The following WDR11 variants were observed in gnomAD, a reference collection of about 807,000 sequenced individuals.
WDR11 encodes the protein WD repeat-containing protein 11.
A neutral mutation model predicts 151.2 loss-of-function variants in WDR11; 83 were observed. The ratio of observed to expected loss-of-function variants is 0.55; its 90% CI spans 0.46 to 0.66. The LOEUF is 0.66. Among genes scored for constraint, WDR11 ranks in the 30% least tolerant of loss-of-function variants. The pLI is 0.00. For synonymous variants in WDR11, 484 were observed against 533.1 expected (o/e 0.91, Z 1.27); for missense variants, 1,301 against 1,480.9 (o/e 0.88, Z 1.99).
Position 120,908,737 on chromosome 10 carries a change from C to G in WDR11, c.*24C>G. On this transcript the variant is annotated 3_prime_UTR_variant, in exon 29 of 29. Coordinates refer to ENST00000263461, the MANE Select transcript of WDR11 (RefSeq NM_018117.12). Reference sequence around the variant, plus strand: ...GACAGCTTAATAAATGCCAGGGAATCTGACCTGGAAGGCAGATGGGAGGGG... The same window carrying G: ...GACAGCTTAATAAATGCCAGGGAATGTGACCTGGAAGGCAGATGGGAGGGG... 1 of 1,613,222 alleles carries G rather than the reference C, an allele frequency of 6.2e-7. No individual in the cohort carries two copies.
In WDR11 at chr10:120,908,778, G is replaced by A; in HGVS notation, c.*65G>A. 1 of 1,577,986 alleles carries A rather than the reference G, an allele frequency of 6.3e-7. No homozygotes were observed. The highest frequency in any genetic ancestry group is 1.3e-5 in the African/African-American group (1 of 74,252). ...ATGGGAGGGGGCTGGTCTGGCTGTG[G>A]CCACCGTCACAGTCCAGGATGAAGA... On this transcript the variant is annotated 3_prime_UTR_variant, in exon 29 of 29. Transcript: ENST00000263461.
At chr10:120,906,942 A>G (rs1433370241) in intron 28 of WDR11, 87 bp downstream of exon 28, 2 of 1,563,792 alleles carry the variant, frequency 1.3e-6, no homozygotes, top group African/African-American at 2.7e-5. Context: ...CTGCCTGGAC[A>G]GGAACTATAT....
At chr10:120,886,037 G>A in intron 15 of WDR11, 99 bp downstream of exon 15, 1 of 1,511,962 alleles carries the variant, frequency 6.6e-7, no homozygotes, top group Non-Finnish European at 9.0e-7. Context: ...TAGCAAGTTG[G>A]ACTCTGCTTT....
Position 120,866,721 on chromosome 10 carries a change from T to C in WDR11, c.1147T>C (p.Trp383Arg), listed in dbSNP as rs762469514. ...LVVSDGRVMI[W>R]ELKSAVCNRN... is the part of the protein sequence containing the mutation. ...AGTGAGTGATGGCAGGGTCATGATA[T>C]GGGAACTCAAGTCTGCAGTTTGTAA... is the stretch of plus-strand genomic sequence containing the variant. The change falls in exon 8 of 29, where the codon TGG (tryptophan) becomes CGG (arginine). Residue 383 changes from tryptophan to arginine, a missense_variant. Transcript: ENST00000263461. 9 of 1,614,206 alleles carry C rather than the reference T, an allele frequency of 5.6e-6. No homozygotes were observed. Among genetic ancestry groups the C allele is most frequent in the Non-Finnish European group, 7.6e-6 (9 of 1,180,038 alleles).
chr10:120,873,732 A>C (rs1024707299), intron 10 of WDR11, 107 bp from the exon 11 acceptor site: 13 of 792,890 alleles, frequency 1.6e-5, no homozygotes, highest in Non-Finnish European at 2.9e-5. Flanking sequence ...GGTTTCTTTT[A>C]TAAAAGATAA....
intron 1 of WDR11, 182 bp downstream of exon 1, chr10:120,851,688 G>A (rs551841546): frequency 1.5e-6 from 1 of 683,912 alleles, no homozygotes; most frequent in Non-Finnish European, 2.5e-6. Context: ...TAATAGCCCC[G>A]TGTGGGAAAT....
chr10:120,902,559 A>T (rs1404342374), intron 22 of WDR11, among the ~76,000 whole-genome samples: 1 of 152,100 alleles, frequency 6.6e-6, no homozygotes, highest in Non-Finnish European at 1.5e-5. Context: ...GCTTTTTAAA[A>T]TATGTGTTTT....
chr10:120,874,186 TTTTTTTGTTG>T (rs1473137543), intron 11 of WDR11, among the ~76,000 whole-genome samples: 125 of 96,948 alleles, frequency 1.3e-3, no homozygotes, highest in African/African-American at 4.4e-3. Context: ...GTTTTTTTTT[TTTTTTTGTTG>T]TTGTTGTTGT....
chr10:120,888,071 TAG>T (rs1289984349), intron 16 of WDR11, among the ~76,000 whole-genome samples: 3 of 152,178 alleles, frequency 2.0e-5, no homozygotes, highest in African/African-American at 7.2e-5. Flanking sequence ...TTCAAACCAC[TAG>T]AGTTTTCTTA....
chr10:120,889,052 ATTTG>A lies in WDR11; in HGVS notation c.2122-19_2122-16del, dbSNP rs759024624. ...TCTTATACAGCATAGTGAAATTTAT[ATTTG>A]TTTGTTGCTGTTGTTTTCTAGGGAA... On this transcript the variant is annotated intron_variant, in intron 16 of 28. Transcript: ENST00000263461. The A allele has an allele frequency of 1.8e-5, 27 of 1,493,756 alleles. 1 individual carries two copies. The highest frequency in any genetic ancestry group is 1.7e-4 in the Middle Eastern group (1 of 5,864). 92.5% of individuals were successfully genotyped at this position (1,493,756 alleles called of 1,614,324 possible). A position where few individuals can be genotyped will look rare whatever the true frequency, so the allele number is the denominator to read the frequency against.
intron 4 of WDR11, 97 bp from the exon 5 acceptor site, chr10:120,862,638 A>G: frequency 8.0e-7 from 1 of 1,255,634 alleles, no homozygotes; most frequent in Non-Finnish European, 1.2e-6. Flanking sequence ...ATATATTATT[A>G]AAATTATCAC....
chr10:120,869,359 C>T (rs956170171), intron 9 of WDR11, among the ~76,000 whole-genome samples: 5 of 151,810 alleles, frequency 3.3e-5, no homozygotes, highest in African/African-American at 4.8e-5. Flanking sequence ...GTGATCCGCC[C>T]GCCTCGGCCT....
Position 120,889,099 on chromosome 10 carries a change from T to G in WDR11, c.2143T>G (p.Cys715Gly). 6.2e-7 allele frequency: 1 copy of G among 1,613,838 alleles called. No homozygotes were observed. Among genetic ancestry groups the G allele is most frequent in the Non-Finnish European group, 8.5e-7 (1 of 1,179,746 alleles). Residue 715 changes from cysteine to glycine, a missense_variant, in exon 17 of 29, where the codon TGC (cysteine) becomes GGC (glycine). Around this residue, in one of 3 missense-constraint regions of WDR11, gnomAD observed 589 missense variants for 670.6 expected, o/e 0.88. Transcript: ENST00000263461. ...CTAGGGAAGTATGGGTAGTATTACCTGCATCGCTTGGAAAGGTGATACATT... is the reference window on the plus strand; with the variant it reads ...CTAGGGAAGTATGGGTAGTATTACCGGCATCGCTTGGAAAGGTGATACATT... ...PPDGSMGSIT[C>G]IAWKGDTLVL...
Position 120,852,509 on chromosome 10 carries a change from T to C in WDR11, c.87-15T>C. 1 of 1,611,326 alleles carries C rather than the reference T, an allele frequency of 6.2e-7. No individual in the cohort carries two copies. The highest frequency in any genetic ancestry group is 8.5e-7 in the Non-Finnish European group (1 of 1,177,628). ...TTTGTTCTGTACTTAAACTTTAACA[T>C]TACTGTTTTGCTAGGGGCTGGCAAG... On this transcript the variant is annotated splice_polypyrimidine_tract_variant and intron_variant, in intron 1 of 28. Coordinates refer to ENST00000263461, the MANE Select transcript of WDR11 (RefSeq NM_018117.12).
chr10:120,891,872 T>C (rs1352581565), intron 19 of WDR11, among the ~76,000 whole-genome samples: 2 of 152,182 alleles, frequency 1.3e-5, no homozygotes, highest in African/African-American at 4.8e-5. Context: ...CTTCTTACTA[T>C]GTAACTGACT....
At chr10:120,903,321 A>G in intron 23 of WDR11, 89 bp downstream of exon 23, 9 of 1,485,386 alleles carry the variant, frequency 6.1e-6, no homozygotes, top group African/African-American at 1.4e-5. Flanking sequence ...AAACTTTCAA[A>G]CTAAGTTACT....
intron 16 of WDR11, among the ~76,000 whole-genome samples, chr10:120,888,791 T>A (rs528773848): frequency 2.6e-5 from 4 of 152,184 alleles, no homozygotes; most frequent in Admixed American, 2.0e-4. Flanking sequence ...TTACTTTAAT[T>A]TCCCCCTTTT....
chr10:120,855,395 G>C (rs911142779), intron 2 of WDR11, among the ~76,000 whole-genome samples: 1 of 151,752 alleles, frequency 6.6e-6, no homozygotes, highest in Non-Finnish European at 1.5e-5. Context: ...ACTTTTTTGT[G>C]TCATATGTTT....
At position 120,865,172 on chromosome 10, in the gene WDR11, G is replaced by T; in HGVS notation, c.839G>T (p.Gly280Val). The T allele has an allele frequency of 6.2e-7, 1 of 1,613,864 alleles. No individual in the cohort carries two copies. The highest frequency in any genetic ancestry group is 8.5e-7 in the Non-Finnish European group (1 of 1,179,844). The change falls in exon 6 of 29, where the codon GGT (glycine) becomes GTT (valine). Residue 280 changes from glycine (G) to valine (V), a missense_variant. Physicochemically the swap from Gly to Val is moderately radical, Grantham distance 109. Around this residue, in one of 3 missense-constraint regions of WDR11, gnomAD observed 692 missense variants for 762.5 expected, o/e 0.91. Transcript: ENST00000263461. ...ILDLEVNQTV[G>V]VIAIERTGVP... ...GACCTTGAGGTGAATCAGACGGTGGGTGTGATTGCAATAGAACGCACAGGA... is the reference window on the plus strand; with the variant it reads ...GACCTTGAGGTGAATCAGACGGTGGTTGTGATTGCAATAGAACGCACAGGA...
Sources: allele counts gnomAD v4.1 joint callset (sites outside exome capture counted in the v4.1 genomes callset), GRCh38; gene constraint gnomAD v4.1.1; regional missense constraint gnomAD v4.1.1; transcripts MANE v1.5; gene names NCBI Gene and HGNC (gene_info 2026-07-23, HGNC 2026-07-21).